The following AATF variants were observed in gnomAD, a reference collection of about 807,000 sequenced individuals.
AATF encodes protein AATF.
A neutral mutation model predicts 63.7 loss-of-function variants in AATF; 48 were observed. That is an observed-to-expected ratio of 0.75 (90% CI 0.60 to 0.96). The LOEUF (loss-of-function observed/expected upper bound fraction) is 0.96, where lower values mean the gene tolerates loss of function less well. Among genes scored for constraint, AATF ranks in the 40% least tolerant of loss-of-function variants. The pLI, the probability that AATF is intolerant of heterozygous loss-of-function variation, is 0.00. For synonymous variants in AATF, 258 were observed against 247.7 expected (o/e 1.04, Z -0.39); for missense variants, 639 against 685.7 (o/e 0.93, Z 0.76).
At chr17:36,985,540 GT>G (rs904918497) in intron 4 of AATF, among the ~76,000 whole-genome samples, 5 of 150,174 alleles carry the variant, frequency 3.3e-5, no homozygotes, top group African/African-American at 1.2e-4. Context: ...CCGAGGACCA[GT>G]TTTTTTTGTT....
chr17:37,006,868 G>C (rs8070958), intron 8 of AATF, among the ~76,000 whole-genome samples: 1 of 152,252 alleles, frequency 6.6e-6, no homozygotes, highest in South Asian at 2.1e-4. Context: ...CGCTAGCTCC[G>C]GAGTGGAGGC....
chr17:37,056,261 A>T (rs761794052), intron 11 of AATF: 7 of 240,010 alleles, frequency 2.9e-5, no homozygotes, highest in Non-Finnish European at 5.6e-5. Context: ...CCCATGTCTG[A>T]TTGAATCCTC....
intron 4 of AATF, among the ~76,000 whole-genome samples, chr17:36,970,333 A>C (rs1051695235): frequency 9.2e-5 from 14 of 152,160 alleles, no homozygotes; most frequent in Non-Finnish European, 1.6e-4. Flanking sequence ...TACAGAACTG[A>C]GTTGCTATCC....
At chr17:37,031,415 T>G (rs566680988) in intron 10 of AATF, 199 bp from the exon 11 acceptor site, 1 of 600,460 alleles carries the variant, frequency 1.7e-6, no homozygotes, top group East Asian at 2.8e-5. Context: ...CCTGGAACCA[T>G]TCCTCCACAG....
chr17:36,985,877 C>G (rs17651618), intron 4 of AATF, among the ~76,000 whole-genome samples: 18,207 of 152,114 alleles, frequency 0.12, 1,326 homozygotes, highest in Non-Finnish European at 0.16. Context: ...AAGTTTTTAT[C>G]CGTAGACTAT....
chr17:36,996,835 G>C (rs1203565821), intron 8 of AATF, among the ~76,000 whole-genome samples: 1 of 152,092 alleles, frequency 6.6e-6, no homozygotes, highest in Non-Finnish European at 1.5e-5. Flanking sequence ...CACATGACTG[G>C]CCCTCATTTC....
chr17:37,031,831 C>T (rs577066938), intron 11 of AATF, 146 bp downstream of exon 11: 2 of 686,200 alleles, frequency 2.9e-6, no homozygotes, highest in South Asian at 3.4e-5. Flanking sequence ...TCTTCACCCT[C>T]ATAATTACTA....
At chr17:37,052,012 A>C (rs2071756015) in intron 11 of AATF, among the ~76,000 whole-genome samples, 1 of 152,154 alleles carries the variant, frequency 6.6e-6, no homozygotes, top group Admixed American at 6.6e-5. Flanking sequence ...CTTCTACCTC[A>C]GGTCCAAGTC....
chr17:37,046,730 A>AACAC (rs58296683), intron 11 of AATF, among the ~76,000 whole-genome samples: 9,758 of 139,960 alleles, frequency 0.07, 350 homozygotes, highest in African/African-American at 0.092. Flanking sequence ...GTGCTCCCCC[A>AACAC]ACACACACAC....
At chr17:37,041,017 A>C (rs1464546719) in intron 11 of AATF, among the ~76,000 whole-genome samples, 1 of 152,210 alleles carries the variant, frequency 6.6e-6, no homozygotes. Context: ...CTGTATAATA[A>C]AAATAGTGCA....
At chr17:36,984,635 T>C (rs546397862) in intron 4 of AATF, among the ~76,000 whole-genome samples, 24 of 152,184 alleles carry the variant, frequency 1.6e-4, no homozygotes, top group African/African-American at 5.5e-4. Flanking sequence ...CCAGTTTTGT[T>C]TTTTGCGGGG....
intron 4 of AATF, among the ~76,000 whole-genome samples, chr17:36,977,698 C>T (rs966759738): frequency 2.6e-5 from 4 of 152,142 alleles, no homozygotes; most frequent in Non-Finnish European, 5.9e-5. Context: ...CGCACTCTCC[C>T]TGAGTAACTA....
At chr17:37,038,571 T>G (rs2071611294) in intron 11 of AATF, among the ~76,000 whole-genome samples, 1 of 152,198 alleles carries the variant, frequency 6.6e-6, no homozygotes, top group African/African-American at 2.4e-5. Context: ...GATTTGATGC[T>G]GGTACTGTCA....
At chr17:37,011,064 A>G (rs560950724) in intron 8 of AATF, among the ~76,000 whole-genome samples, 1 of 152,310 alleles carries the variant, frequency 6.6e-6, no homozygotes, top group South Asian at 2.1e-4. Flanking sequence ...TTGTTTCTCC[A>G]GTGTGCTCAA....
intron 1 of AATF, 76 bp from the exon 2 acceptor site, chr17:36,950,136 TAA>T: frequency 6.7e-7 from 1 of 1,503,568 alleles, no homozygotes; most frequent in Non-Finnish European, 9.1e-7. Context: ...AACTATGAGA[TAA>T]ATGGGTCGAC....
chr17:36,997,661 T>C (rs2071264635), intron 8 of AATF, among the ~76,000 whole-genome samples: 1 of 152,240 alleles, frequency 6.6e-6, no homozygotes, highest in Non-Finnish European at 1.5e-5. Context: ...TGGAAAACAG[T>C]GTGGAGATTC....
intron 4 of AATF, among the ~76,000 whole-genome samples, chr17:36,965,356 C>G (rs1319546649): frequency 1.3e-5 from 2 of 152,140 alleles, no homozygotes; most frequent in Non-Finnish European, 2.9e-5. Flanking sequence ...GCAATTCCAT[C>G]TCTCCAACCT....
chr17:36,964,249 A>C (rs2070973318), intron 4 of AATF, among the ~76,000 whole-genome samples: 1 of 150,210 alleles, frequency 6.7e-6, no homozygotes, highest in Non-Finnish European at 1.5e-5. Flanking sequence ...AGAGGGGGAA[A>C]TTGATGATGC....
chr17:36,995,699 C>T (rs1156721862), intron 8 of AATF, among the ~76,000 whole-genome samples: 1 of 152,022 alleles, frequency 6.6e-6, no homozygotes, highest in African/African-American at 2.4e-5. Flanking sequence ...TCCCAAGTAG[C>T]TGGGACTATA....
Sources: gnomAD v4.1 joint callset for allele counts (sites outside exome capture counted in the v4.1 genomes callset) on GRCh38, gnomAD v4.1.1 for gene constraint, MANE v1.5 for transcripts, NCBI Gene and HGNC (gene_info 2026-07-23, HGNC 2026-07-21) for gene names.